The following CDKAL1 variants were observed in gnomAD, a reference collection of about 807,000 sequenced individuals.
CDKAL1 encodes CDKAL1 threonylcarbamoyladenosine tRNA methylthiotransferase.
Under a neutral mutation model 68.2 loss-of-function variants are expected in CDKAL1, and 32 were observed. The ratio of observed to expected loss-of-function variants is 0.47; its 90% confidence interval spans 0.35 to 0.63. The LOEUF (loss-of-function observed/expected upper bound fraction) is 0.63. CDKAL1 is among the 30% of genes least tolerant of loss of function. The probability of loss-of-function intolerance (pLI) is 0.00; values close to 1 mark genes in which losing one functional copy is unlikely to be tolerated. For synonymous variants in CDKAL1, 234 were observed against 244.3 expected (o/e 0.96, Z 0.39); for missense variants, 606 against 696.7 (o/e 0.87, Z 1.47).
At chr6:21,087,566 A>G (rs989577761) in intron 12 of CDKAL1, among the ~76,000 whole-genome samples, 3 of 151,864 alleles carry the variant, frequency 2.0e-5, no homozygotes, top group African/African-American at 7.3e-5. Context: ...ATTATCTTCT[A>G]CTCCGTTCCT....
At chr6:20,664,174 G>A (rs565703692) in intron 5 of CDKAL1, among the ~76,000 whole-genome samples, 4 of 152,192 alleles carry the variant, frequency 2.6e-5, no homozygotes, top group Middle Eastern at 3.4e-3. Context: ...AGAAACTGTC[G>A]AGAACTACCC....
chr6:20,590,605 G>A (rs2127700019), intron 4 of CDKAL1, among the ~76,000 whole-genome samples: 2 of 152,220 alleles, frequency 1.3e-5, no homozygotes, highest in East Asian at 3.9e-4. Context: ...AGAACATGCA[G>A]TGTTTGGTTT....
intron 12 of CDKAL1, among the ~76,000 whole-genome samples, chr6:21,083,091 C>A (rs1186938762): frequency 6.6e-6 from 1 of 152,030 alleles, no homozygotes; most frequent in Non-Finnish European, 1.5e-5. Context: ...GTCGCAAACT[C>A]CTGAGCTCAA....
chr6:20,631,796 G>A (rs888927312), intron 4 of CDKAL1, among the ~76,000 whole-genome samples: 2 of 152,184 alleles, frequency 1.3e-5, no homozygotes, highest in African/African-American at 4.8e-5. Flanking sequence ...AAAACCTCTA[G>A]ATGGTAGGGT....
chr6:20,748,434 G>A (rs1483196609), intron 6 of CDKAL1, among the ~76,000 whole-genome samples: 4 of 151,546 alleles, frequency 2.6e-5, no homozygotes, highest in South Asian at 4.2e-4. Context: ...TGCTTGAGTC[G>A]AGGAGTTCCA....
chr6:21,136,650 G>T (rs1775616321), intron 13 of CDKAL1, among the ~76,000 whole-genome samples: 1 of 152,088 alleles, frequency 6.6e-6, no homozygotes, highest in South Asian at 2.1e-4. Context: ...TTTCTCCTAA[G>T]AACTAAAAAT....
intron 13 of CDKAL1, among the ~76,000 whole-genome samples, chr6:21,133,387 T>C (rs1775427577): frequency 6.6e-6 from 1 of 152,194 alleles, no homozygotes; most frequent in Non-Finnish European, 1.5e-5. Flanking sequence ...TGCTCAGGAC[T>C]CCATGCATAT....
At chr6:21,044,507 G>A (rs1485085969) in intron 11 of CDKAL1, among the ~76,000 whole-genome samples, 1 of 151,966 alleles carries the variant, frequency 6.6e-6, no homozygotes, top group Admixed American at 6.6e-5. Flanking sequence ...TCCTTTACCA[G>A]GTTCTCTAAG....
At chr6:21,154,499 C>G (rs780694026) in intron 13 of CDKAL1, among the ~76,000 whole-genome samples, 1 of 152,068 alleles carries the variant, frequency 6.6e-6, no homozygotes, top group Non-Finnish European at 1.5e-5. Context: ...ATATATTAAC[C>G]AATCCTTATA....
rs190085437 is a variant in CDKAL1 at position 20,797,806 on chromosome 6, T to G, written c.638+16541T>G. On this transcript the variant is annotated intron_variant, in intron 8 of 15. Coordinates refer to ENST00000274695, the MANE Select transcript of CDKAL1 (RefSeq NM_017774.3). ...TTTATTTTATTTTATTTTATTTTAT[T>G]TTATTTTATTTTATTTTATTTTTTC... is the stretch of plus-strand genomic sequence containing the variant. Among the ~76,000 whole-genome samples, 279 of 148,788 alleles carry G rather than the reference T, an allele frequency of 1.9e-3. 1 individual carries two copies. The highest frequency in any genetic ancestry group is 6.4e-3 in the African/African-American group (258 of 40,092).
intron 13 of CDKAL1, among the ~76,000 whole-genome samples, chr6:21,140,222 T>TA: frequency 6.6e-6 from 1 of 152,360 alleles, no homozygotes; most frequent in East Asian, 1.9e-4. Context: ...TTCTCAAGGG[T>TA]AAGGACTATG....
chr6:20,568,993 T>C (rs1764592441), intron 4 of CDKAL1, among the ~76,000 whole-genome samples: 1 of 152,210 alleles, frequency 6.6e-6, no homozygotes, highest in Non-Finnish European at 1.5e-5. Context: ...GTATTCAAAG[T>C]ACCTACCACC....
chr6:20,613,830 G>A (rs1766763007), intron 4 of CDKAL1, among the ~76,000 whole-genome samples: 1 of 152,022 alleles, frequency 6.6e-6, no homozygotes, highest in South Asian at 2.1e-4. Flanking sequence ...ATCTGGAAGT[G>A]TAATTACTGG....
At chr6:20,773,714 A>AT (rs981075420) in intron 7 of CDKAL1, among the ~76,000 whole-genome samples, 57 of 151,828 alleles carry the variant, frequency 3.8e-4, no homozygotes, top group Non-Finnish European at 7.9e-4. Context: ...CGCCCAGCTA[A>AT]TTTTTTTATT....
At chr6:20,825,318 A>T (rs1419929955) in intron 8 of CDKAL1, among the ~76,000 whole-genome samples, 1 of 139,882 alleles carries the variant, frequency 7.1e-6, no homozygotes, top group Non-Finnish European at 1.6e-5. Flanking sequence ...AATAATTTTG[A>T]ATTTGCCTTA....
At chr6:20,672,902 G>A (rs1171720318) in intron 5 of CDKAL1, among the ~76,000 whole-genome samples, 1 of 152,072 alleles carries the variant, frequency 6.6e-6, no homozygotes, top group South Asian at 2.1e-4. Context: ...TCAGCCTCCC[G>A]AGTAGCTGGG....
rs1417834909 is a variant in CDKAL1, at chr6:21,069,770, CTTTCTTTTTTTTTTTTTTTT to C, written c.1236+4546_1236+4565del. The stretch of plus-strand genomic sequence containing the variant: ...TGCCCAATAAAATCCCCCAGATTTT[CTTTCTTTTTTTTTTTTTTTT>C]TTTTTTTTTTTTTTAAAACAGAGCC... On this transcript the variant is annotated intron_variant, in intron 12 of 15. Coordinates refer to ENST00000274695, the MANE Select transcript of CDKAL1 (RefSeq NM_017774.3). 2.8e-4 allele frequency among the ~76,000 whole-genome samples: 12 copies of C among 42,282 alleles called. 2 individuals carry two copies. In the East Asian group the frequency reaches 0.017, roughly 59 times the overall value. The allele number at this position is 42,282 out of a possible 152,430, so 27.7% of individuals were successfully genotyped here.
intron 9 of CDKAL1, among the ~76,000 whole-genome samples, chr6:20,937,593 G>T (rs1458135332): frequency 6.6e-6 from 1 of 152,216 alleles, no homozygotes; most frequent in East Asian, 1.9e-4. Flanking sequence ...TCCAATCTGG[G>T]CCAGGTCTCC....
chr6:21,003,343 A>C (rs868456912), intron 11 of CDKAL1, among the ~76,000 whole-genome samples: 1 of 40,450 alleles, frequency 2.5e-5, no homozygotes, highest in Non-Finnish European at 4.8e-5. Context: ...ATCTCTACTA[A>C]ATATATATAT....
Sources: allele counts gnomAD v4.1 joint callset (sites outside exome capture counted in the v4.1 genomes callset), GRCh38; gene constraint gnomAD v4.1.1; transcripts MANE v1.5; gene names NCBI Gene and HGNC (gene_info 2026-07-23, HGNC 2026-07-21).